SMC5: variants seen among roughly 807,000 people sequenced by gnomAD.
SMC5 encodes the protein structural maintenance of chromosomes 5, also known as structural maintenance of chromosomes protein 5.
SMC5 carries 88 observed loss-of-function variants against 148.3 expected under a neutral mutation model. The observed-to-expected ratio is 0.59, with a 90% CI of 0.50 to 0.71. SMC5 has a LOEUF of 0.71. SMC5 is among the 30% of genes least tolerant of loss of function. The pLI, the probability that SMC5 is intolerant of heterozygous loss-of-function variation, is 0.00. For synonymous variants in SMC5, 421 were observed against 432.8 expected, an observed-to-expected ratio of 0.97 and a Z score of 0.34; for missense variants, 1,142 against 1,298.9, an observed-to-expected ratio of 0.88 and a Z score of 1.86.
intron 11 of SMC5, among the ~76,000 whole-genome samples, chr9:70,307,416 A>G (rs2035533843): frequency 6.6e-6 from 1 of 152,192 alleles, no homozygotes; most frequent in South Asian, 2.1e-4. Flanking sequence ...CATTCTACCT[A>G]TAAGAAAGAG....
intron 2 of SMC5, among the ~76,000 whole-genome samples, chr9:70,266,061 A>G (rs562299535): frequency 6.6e-6 from 1 of 152,220 alleles, no homozygotes; most frequent in African/African-American, 2.4e-5. Context: ...TTTCAAGCAC[A>G]AGTTAACATT....
intron 8 of SMC5, among the ~76,000 whole-genome samples, chr9:70,294,884 T>C (rs917947788): frequency 6.6e-6 from 1 of 152,096 alleles, no homozygotes; most frequent in Non-Finnish European, 1.5e-5. Context: ...AGGAAGACAG[T>C]GAATCAGATG....
At chr9:70,324,213 T>G in intron 17 of SMC5, 70 bp downstream of exon 17, 3 of 1,436,116 alleles carry the variant, frequency 2.1e-6, no homozygotes, top group Non-Finnish European at 2.8e-6. Flanking sequence ...ATATATCGTG[T>G]CATCACTAGC....
chr9:70,260,223 G>A (rs1306152117), intron 1 of SMC5, among the ~76,000 whole-genome samples: 2 of 152,170 alleles, frequency 1.3e-5, no homozygotes, highest in African/African-American at 4.8e-5. Flanking sequence ...TCCTGCCTCA[G>A]CCTCCCGCGT....
chr9:70,269,590 C>G, intron 3 of SMC5, among the ~76,000 whole-genome samples: 1 of 151,766 alleles, frequency 6.6e-6, no homozygotes, highest in South Asian at 2.1e-4. Flanking sequence ...GCAAAAAAAA[C>G]AAAAACAAAA....
At chr9:70,310,628 G>A (rs1011998661) in intron 11 of SMC5, among the ~76,000 whole-genome samples, 2 of 152,184 alleles carry the variant, frequency 1.3e-5, no homozygotes, top group Admixed American at 6.5e-5. Context: ...CCTAACAAGA[G>A]TCAGCTTTCC....
intron 8 of SMC5, among the ~76,000 whole-genome samples, chr9:70,288,100 C>T (rs1247546138): frequency 1.3e-5 from 2 of 152,124 alleles, no homozygotes; most frequent in African/African-American, 2.4e-5. Flanking sequence ...TATCCCCAGA[C>T]GCAAATACAA....
intron 11 of SMC5, among the ~76,000 whole-genome samples, chr9:70,314,362 T>C (rs1231565377): frequency 6.6e-6 from 1 of 152,154 alleles, no homozygotes; most frequent in African/African-American, 2.4e-5. Flanking sequence ...CCATCTCCAG[T>C]GCCTTAAGAT....
chr9:70,347,213 C>G (rs71503699), intron 20 of SMC5, 52 bp downstream of exon 20: 1 of 1,437,770 alleles, frequency 7.0e-7, no homozygotes, highest in African/African-American at 1.4e-5. Context: ...CCACCACCCT[C>G]CCCATACACA....
chr9:70,293,883 T>C (rs1317365592), intron 8 of SMC5, among the ~76,000 whole-genome samples: 1 of 152,184 alleles, frequency 6.6e-6, no homozygotes, highest in Non-Finnish European at 1.5e-5. Flanking sequence ...GCCAAAATGT[T>C]CCAGAATTTT....
In SMC5 at chr9:70,264,413, G is replaced by A. The variant is rs780754186; in HGVS notation, c.295G>A (p.Gly99Arg). Reference protein sequence around the residue: ...IVCAICLGLAGKPAFMGRADK... With the variant: ...IVCAICLGLARKPAFMGRADK... ...GTGTGCCATTTGCCTTGGTTTAGCT[G>A]GAAAACCTGCTTTCATGGGACGAGC... Residue 99 changes from glycine to arginine, a missense_variant, in exon 2 of 25, where the codon GGA becomes AGA. Coordinates refer to ENST00000361138, the MANE Select transcript of SMC5 (RefSeq NM_015110.4). 6.2e-7 allele frequency: 1 copy of A among 1,613,958 alleles called. No individual in the cohort carries two copies. The highest frequency in any genetic ancestry group is 8.5e-7 in the Non-Finnish European group (1 of 1,179,920).
chr9:70,347,830 G>C, intron 21 of SMC5, 89 bp from the exon 22 acceptor site: 1 of 1,332,474 alleles, frequency 7.5e-7, no homozygotes, highest in Non-Finnish European at 1.0e-6. Flanking sequence ...TGCCCAGACT[G>C]ATACTGATAT....
rs1268035160 is a variant in SMC5 at position 70,353,237 on chromosome 9, A to G, written c.*906A>G. The G allele has an allele frequency of 6.6e-6, 1 of 152,142 alleles. No homozygotes were observed. Among genetic ancestry groups the G allele is most frequent in the Non-Finnish European group, 1.5e-5 (1 of 68,014 alleles). The allele number at this position is 152,142 out of a possible 1,614,324, so 9.4% of individuals were successfully genotyped here. Reference sequence around the variant, plus strand: ...TATTTGAAATTTCTCAGTGTTATGTAAAGAGTGATGGAAAAGCATTGATTT... The same window carrying G: ...TATTTGAAATTTCTCAGTGTTATGTGAAGAGTGATGGAAAAGCATTGATTT... On this transcript the variant is annotated 3_prime_UTR_variant, in exon 25 of 25. Transcript: ENST00000361138.
Position 70,298,141 on chromosome 9 carries a change from T to G in SMC5, c.1229T>G (p.Ile410Ser). ...GCCATTACAAATGATCTGAGACGGATTCAGGATGAAAAGGCATTATGTGAA... is the reference window on the plus strand; with the variant it reads ...GCCATTACAAATGATCTGAGACGGAGTCAGGATGAAAAGGCATTATGTGAA... The part of the protein sequence containing the change: ...IDAITNDLRR[I>S]QDEKALCEGE... Residue 410 changes from isoleucine to serine, a missense_variant, in exon 9 of 25, where the codon ATT (isoleucine) becomes AGT (serine). Ile to Ser is a moderately radical substitution (Grantham distance 142, BLOSUM62 -2). Around this residue, in one of 5 missense-constraint regions of SMC5, gnomAD observed 743 missense variants for 835.7 expected, o/e 0.89. Coordinates refer to ENST00000361138, the MANE Select transcript of SMC5 (RefSeq NM_015110.4). 2 of 1,614,000 alleles carry G rather than the reference T, an allele frequency of 1.2e-6. No individual in the cohort carries two copies. Among genetic ancestry groups the G allele is most frequent in the Non-Finnish European group, 1.7e-6 (2 of 1,179,934 alleles).
At position 70,352,274 on chromosome 9, in the gene SMC5, G is replaced by T; in HGVS notation, c.3249G>T (p.Trp1083Cys). The T allele has an allele frequency of 6.2e-7, 1 of 1,613,742 alleles. No individual in the cohort carries two copies. The highest frequency in any genetic ancestry group is 8.5e-7 in the Non-Finnish European group (1 of 1,179,904). The change falls in exon 25 of 25, where the codon TGG becomes TGT. Residue 1083 changes from tryptophan (W) to cysteine (C), a missense_variant. Physicochemically the swap from Trp to Cys is radical, Grantham distance 215. This residue lies in a region of SMC5 where 63 missense variants were observed against 65.7 expected (regional missense o/e 0.96). Coordinates refer to ENST00000361138, the MANE Select transcript of SMC5 (RefSeq NM_015110.4). ...CTCATATGCTGGAACCAAACACATG[G>T]AATTTAAAGGCTTTCCAAAGGCGGC... ...NGPHMLEPNT[W>C]NLKAFQRRRR...
chr9:70,264,951 C>G (rs2034250171), intron 2 of SMC5, among the ~76,000 whole-genome samples: 1 of 152,124 alleles, frequency 6.6e-6, no homozygotes, highest in South Asian at 2.1e-4. Flanking sequence ...ATACTGTGGA[C>G]AATTGTAACA....
intron 4 of SMC5, 63 bp downstream of exon 4, chr9:70,277,535 T>C: frequency 7.4e-7 from 1 of 1,346,142 alleles, no homozygotes; most frequent in Non-Finnish European, 1.0e-6. Flanking sequence ...TTTTATGCCG[T>C]TGAAGGGATA....
chr9:70,352,507 G>A lies in SMC5; in HGVS notation c.*176G>A, dbSNP rs1279893360. The A allele has an allele frequency of 1.4e-5, 8 of 572,008 alleles. No individual in the cohort carries two copies. In the South Asian group the frequency reaches 2.4e-4, roughly 17 times the overall value. 35.4% of individuals were successfully genotyped at this position (572,008 alleles called of 1,614,324 possible). A position where few individuals can be genotyped will look rare whatever the true frequency, so the allele number is the denominator to read the frequency against. ...TAATGACCTTTCCAAAATAGCAGCT[G>A]GTAGTAAAAGTTAAGTCTTCTTCAG... On this transcript the variant is annotated 3_prime_UTR_variant, in exon 25 of 25. Transcript: ENST00000361138.
intron 11 of SMC5, among the ~76,000 whole-genome samples, chr9:70,308,960 C>T (rs1339942771): frequency 1.3e-5 from 2 of 152,100 alleles, no homozygotes; most frequent in Non-Finnish European, 2.9e-5. Flanking sequence ...GTCATACAAA[C>T]TTTTTGGCTT....
Sources: allele counts gnomAD v4.1 joint callset (sites outside exome capture counted in the v4.1 genomes callset), GRCh38; gene constraint gnomAD v4.1.1; regional missense constraint gnomAD v4.1.1; transcripts MANE v1.5; gene names NCBI Gene and HGNC (gene_info 2026-07-23, HGNC 2026-07-21).